CCBE1: variants seen among roughly 807,000 people sequenced by gnomAD.
The protein encoded by CCBE1 is collagen and calcium-binding EGF domain-containing protein 1.
In CCBE1, 37 loss-of-function variants were observed where a neutral mutation model predicts 50.0. The ratio of observed to expected loss-of-function variants is 0.74; its 90% CI spans 0.57 to 0.97. The LOEUF (loss-of-function observed/expected upper bound fraction) is 0.97. CCBE1 is among the 50% of genes least tolerant of loss of function. The pLI is 0.00. For missense variants in CCBE1, 538 were observed against 523.8 expected (o/e 1.03, Z -0.26); for synonymous variants, 234 against 203.7 (o/e 1.15, Z -1.27).
chr18:59,585,504 A>G (rs530863534), intron 2 of CCBE1, among the ~76,000 whole-genome samples: 1 of 152,290 alleles, frequency 6.6e-6, no homozygotes, highest in South Asian at 2.1e-4. Context: ...TAACTGGTGG[A>G]TGAGTGAATA....
chr18:59,567,692 C>T (rs1274985189), intron 2 of CCBE1, among the ~76,000 whole-genome samples: 7 of 152,296 alleles, frequency 4.6e-5, no homozygotes, highest in East Asian at 1.9e-4. Context: ...TGATATCCTA[C>T]GTTCTGCCTA....
chr18:59,438,987 T>TA (rs1910286570), intron 9 of CCBE1, among the ~76,000 whole-genome samples: 1 of 151,888 alleles, frequency 6.6e-6, no homozygotes, highest in Non-Finnish European at 1.5e-5. Flanking sequence ...CCGTCTCTAC[T>TA]AAAAAATCCA....
At chr18:59,506,535 G>C (rs1033797131) in intron 2 of CCBE1, among the ~76,000 whole-genome samples, 1 of 152,242 alleles carries the variant, frequency 6.6e-6, no homozygotes, top group Non-Finnish European at 1.5e-5. Flanking sequence ...ACCACTTTCA[G>C]ATGAGCAAAG....
chr18:59,484,622 A>G (rs1225639913), intron 2 of CCBE1, among the ~76,000 whole-genome samples: 1 of 152,222 alleles, frequency 6.6e-6, no homozygotes, highest in African/African-American at 2.4e-5. Context: ...AAGGCTATGG[A>G]ACTCCATCAA....
intron 2 of CCBE1, among the ~76,000 whole-genome samples, chr18:59,692,226 G>A (rs1599142386): frequency 6.6e-6 from 1 of 152,190 alleles, no homozygotes; most frequent in African/African-American, 2.4e-5. Flanking sequence ...ATGTAGTGAT[G>A]ACGATGGGAG....
chr18:59,559,633 C>A (rs1002412267), intron 2 of CCBE1, among the ~76,000 whole-genome samples: 1 of 152,336 alleles, frequency 6.6e-6, no homozygotes, highest in African/African-American at 2.4e-5. Flanking sequence ...AGGTCCTTGG[C>A]TTGGGGGACT....
chr18:59,612,726 C>T (rs1451685699), intron 2 of CCBE1, among the ~76,000 whole-genome samples: 3 of 152,072 alleles, frequency 2.0e-5, no homozygotes. Context: ...GCAATGGGAG[C>T]CGCCCCATGC....
At chr18:59,451,609 G>T (rs960651558) in intron 6 of CCBE1, among the ~76,000 whole-genome samples, 4 of 152,046 alleles carry the variant, frequency 2.6e-5, no homozygotes, top group African/African-American at 9.7e-5. Context: ...GGTGGAGGTG[G>T]AGGCACTGAG....
intron 2 of CCBE1, among the ~76,000 whole-genome samples, chr18:59,642,591 A>G (rs554899895): frequency 6.6e-6 from 1 of 152,348 alleles, no homozygotes; most frequent in South Asian, 2.1e-4. Flanking sequence ...CAACATAGAC[A>G]TCTGCATGCA....
intron 2 of CCBE1, among the ~76,000 whole-genome samples, chr18:59,572,277 G>A (rs1194614782): frequency 2.0e-5 from 3 of 152,126 alleles, no homozygotes; most frequent in African/African-American, 7.2e-5. Flanking sequence ...TATTATTGTA[G>A]CTGTCACAAA....
intron 3 of CCBE1, among the ~76,000 whole-genome samples, chr18:59,474,680 T>C (rs375413823): frequency 6.6e-6 from 1 of 152,352 alleles, no homozygotes; most frequent in East Asian, 1.9e-4. Context: ...TTCTGTCTGG[T>C]TGTGGAAAAG....
intron 7 of CCBE1, among the ~76,000 whole-genome samples, chr18:59,441,362 TAGTC>T (rs536779209): frequency 4.0e-4 from 60 of 151,738 alleles, no homozygotes; most frequent in Non-Finnish European, 6.9e-4. Context: ...ATACAAAAAT[TAGTC>T]AGGTGTGGTG....
intron 2 of CCBE1, among the ~76,000 whole-genome samples, chr18:59,558,964 C>A (rs1160423646): frequency 2.6e-5 from 4 of 152,190 alleles, no homozygotes; most frequent in African/African-American, 7.2e-5. Flanking sequence ...TTCTGTTCAT[C>A]CACTCACTCC....
At chr18:59,521,811 G>A (rs1356076493) in intron 2 of CCBE1, among the ~76,000 whole-genome samples, 2 of 152,098 alleles carry the variant, frequency 1.3e-5, no homozygotes, top group Non-Finnish European at 2.9e-5. Context: ...CATTGAACTT[G>A]GTGGACATCG....
chr18:59,518,817 C>A (rs986395760), intron 2 of CCBE1, among the ~76,000 whole-genome samples: 1 of 152,182 alleles, frequency 6.6e-6, no homozygotes, highest in Non-Finnish European at 1.5e-5. Context: ...TCTGCACACC[C>A]GCTGGCAGCC....
Position 59,476,689 on chromosome 18 carries a change from TATAGCTTCCACTCATTAGTTAAC to T in CCBE1, c.265+3474_265+3496del, listed in dbSNP as rs1326981843. ...ATACGAGGCAGCAACGCTTAAAAAC[TATAGCTTCCACTCATTAGTTAAC>T]GTATTTCTTTAGACATTCTAGTTTC... On this transcript the variant is annotated intron_variant, in intron 3 of 10. Coordinates refer to ENST00000439986, the MANE Select transcript of CCBE1 (RefSeq NM_133459.4). Among the ~76,000 whole-genome samples, 10 of 152,366 alleles carry T rather than the reference TATAGCTTCCACTCATTAGTTAAC, an allele frequency of 6.6e-5. No individual in the cohort carries two copies. In the East Asian group the frequency reaches 1.9e-3, roughly 29 times the overall value.
At chr18:59,637,707 T>C (rs2053932524) in intron 2 of CCBE1, among the ~76,000 whole-genome samples, 2 of 152,302 alleles carry the variant, frequency 1.3e-5, no homozygotes, top group South Asian at 4.1e-4. Context: ...TTCATGCCTA[T>C]AAAATTTTAA....
At chr18:59,641,153 A>T (rs1458006461) in intron 2 of CCBE1, among the ~76,000 whole-genome samples, 1 of 152,346 alleles carries the variant, frequency 6.6e-6, no homozygotes, top group Non-Finnish European at 1.5e-5. Flanking sequence ...ATAAAAACAC[A>T]TGCACACATA....
chr18:59,563,618 C>T (rs1213936037), intron 2 of CCBE1: 1 of 152,232 alleles, frequency 6.6e-6, no homozygotes. Flanking sequence ...GGAAGCTCAG[C>T]ACCAGGGCTA....
Sources: gnomAD v4.1 joint callset for allele counts (sites outside exome capture counted in the v4.1 genomes callset) on GRCh38, gnomAD v4.1.1 for gene constraint, MANE v1.5 for transcripts, NCBI Gene and HGNC (gene_info 2026-07-23, HGNC 2026-07-21) for gene names.